CARD19: variants seen among roughly 807,000 people sequenced by gnomAD.
CARD19 encodes caspase recruitment domain family member 19.
CARD19 carries 25 observed loss-of-function variants against 24.1 expected under a neutral mutation model. The observed-to-expected ratio is 1.04, with a 90% CI of 0.76 to 1.45. The LOEUF is 1.45. CARD19 is among the 40% of genes most tolerant of loss of function. The probability of loss-of-function intolerance (pLI) is 0.00; values close to 1 mark genes in which losing one functional copy is unlikely to be tolerated. For missense variants in CARD19, 241 were observed against 247.4 expected (o/e 0.97, Z 0.17); for synonymous variants, 103 against 104.9 (o/e 0.98, Z 0.11).
In CARD19 at chr9:93,106,581, A is replaced by AAC. The variant is rs1554753887; in HGVS notation, c.8-1092_8-1091insCA. Among the ~76,000 whole-genome samples the AAC allele has an allele frequency of 4.7e-3, 719 of 151,502 alleles. 3 individuals are homozygous for AAC. The highest frequency in any genetic ancestry group is 0.015 in the African/African-American group (622 of 41,080). ...AGACTCTATCTCAAAAAAAAACAAAAAAAAAAAAACAAAGTTTAACCTATT... is the reference window on the plus strand; with the variant it reads ...AGACTCTATCTCAAAAAAAAACAAAAACAAAAAAAAACAAAGTTTAACCTATT... On this transcript the variant is annotated intron_variant, in intron 1 of 5. Coordinates refer to ENST00000375464, the MANE Select transcript of CARD19 (RefSeq NM_032310.5).
Position 93,096,290 on chromosome 9 carries a change from C to G in CARD19, c.-56C>G. 1 of 1,130,242 alleles carries G rather than the reference C, an allele frequency of 8.8e-7. No homozygotes were observed. The highest frequency in any genetic ancestry group is 1.1e-6 in the Non-Finnish European group (1 of 897,858). 70.0% of individuals were successfully genotyped at this position (1,130,242 alleles called of 1,614,324 possible). On this transcript the variant is annotated 5_prime_UTR_variant, in exon 1 of 6. Coordinates refer to ENST00000375464, the MANE Select transcript of CARD19 (RefSeq NM_032310.5). This position sits in a 1 kb window ranked among gnomAD's most constrained non-coding sequence, Gnocchi z 5.4. ...GTGGACCGGGCGGCTGACCGAGGGG[C>G]GGACGCGCGGCGGGGCAGACCGCTG...
intron 1 of CARD19, among the ~76,000 whole-genome samples, chr9:93,103,359 A>G (rs569911723): frequency 6.6e-6 from 1 of 152,382 alleles, no homozygotes; most frequent in East Asian, 1.9e-4. Flanking sequence ...ATAAAGTGCT[A>G]TAATATTTGC....
In CARD19 at chr9:93,112,242, T is replaced by C. The variant is rs1374267718; in HGVS notation, c.389T>C (p.Leu130Pro). 1.3e-6 allele frequency: 2 copies of C among 1,545,122 alleles called. No individual in the cohort carries two copies. The highest frequency in any genetic ancestry group is 2.4e-5 in the East Asian group (1 of 40,908). ...GGACCCATGAGCTTCCTGGCTGGCC[T>C]GGGCCTTGCTGTGGGACTGGCCCTG... Reference protein sequence around the residue: ...NRGPMSFLAGLGLAVGLALLL... With the variant: ...NRGPMSFLAGPGLAVGLALLL... Residue 130 changes from leucine (L) to proline (P), a missense_variant, in exon 5 of 6, where the codon CTG becomes CCG. Coordinates refer to ENST00000375464, the MANE Select transcript of CARD19 (RefSeq NM_032310.5).
At chr9:93,099,223 C>CCCATTGGCTGTTTAATTTTCACA (rs1826992929) in intron 1 of CARD19, among the ~76,000 whole-genome samples, 1 of 152,218 alleles carries the variant, frequency 6.6e-6, no homozygotes, top group Admixed American at 6.5e-5. Flanking sequence ...CGCGTCCGGC[C>CCCATTGGCTGTTTAATTTTCACA]TGCAGAACTC....
At chr9:93,111,658 T>C (rs1259263863) in intron 3 of CARD19, 17 of 1,381,620 alleles carry the variant, frequency 1.2e-5, no homozygotes, top group Non-Finnish European at 1.6e-5. Flanking sequence ...TAGAGCACCT[T>C]CTGTGGCTCC....
chr9:93,098,963 G>A (rs898375475), intron 1 of CARD19, among the ~76,000 whole-genome samples: 14 of 149,616 alleles, frequency 9.4e-5, no homozygotes, highest in Non-Finnish European at 3.0e-5. Flanking sequence ...GTGCAGTGGT[G>A]CAATCTTGGC....
intron 3 of CARD19, 46 bp from the exon 4 acceptor site, chr9:93,111,833 C>T (rs771754254): frequency 1.9e-6 from 3 of 1,597,148 alleles, no homozygotes; most frequent in African/African-American, 1.3e-5. Context: ...ACCTTGCCCT[C>T]CGGCCCTGCC....
Position 93,096,247 on chromosome 9 carries a change from C to G in CARD19, c.-99C>G. The G allele has an allele frequency of 1.7e-6, 2 of 1,173,018 alleles. No individual in the cohort carries two copies. Among genetic ancestry groups the G allele is most frequent in the Non-Finnish European group, 2.1e-6 (2 of 937,444 alleles). 72.7% of individuals were successfully genotyped at this position (1,173,018 alleles called of 1,614,324 possible). On this transcript the variant is annotated 5_prime_UTR_variant, in exon 1 of 6. Transcript: ENST00000375464. This position sits in a 1 kb window ranked among gnomAD's most constrained non-coding sequence, Gnocchi z 5.4. ...GGGGCGGGCGAGCACGGCCCGCGGG[C>G]GGCGTTCGCTGGAGCTGGTGGACCG...
At position 93,111,964 on chromosome 9, in the gene CARD19, T is replaced by C. The variant is rs1043450636; in HGVS notation, c.364+26T>C. The C allele has an allele frequency of 6.3e-6, 10 of 1,578,608 alleles. No individual in the cohort carries two copies. The African/African-American group carries it at 8.1e-5, about 13-fold the overall frequency. The stretch of plus-strand genomic sequence containing the variant: ...GTAACACCTCCCTGCTGCCCCTCCC[T>C]CTCTCTCCCTCTCTCTCCCTCTCTC... On this transcript the variant is annotated intron_variant, in intron 4 of 5. Coordinates refer to ENST00000375464, the MANE Select transcript of CARD19 (RefSeq NM_032310.5).
intron 1 of CARD19, among the ~76,000 whole-genome samples, chr9:93,099,502 A>G (rs1827000595): frequency 6.6e-6 from 1 of 152,216 alleles, no homozygotes; most frequent in African/African-American, 2.4e-5. Flanking sequence ...CCCTACCTGA[A>G]AATGGGGCTG....
At chr9:93,112,176 CT>C in intron 4 of CARD19, 41 bp from the exon 5 acceptor site, 1 of 1,535,974 alleles carries the variant, frequency 6.5e-7, no homozygotes, top group Non-Finnish European at 8.8e-7. Flanking sequence ...CCCCACCCCT[CT>C]GAGGCCCAGG....
At chr9:93,105,066 C>A (rs1827201781) in intron 1 of CARD19, among the ~76,000 whole-genome samples, 2 of 151,890 alleles carry the variant, frequency 1.3e-5, no homozygotes, top group South Asian at 4.1e-4. Flanking sequence ...TGTTAGGTTA[C>A]TGATTTAAGA....
At chr9:93,111,013 C>T (rs1827460683) in intron 3 of CARD19, 2 of 1,464,666 alleles carry the variant, frequency 1.4e-6, no homozygotes, top group African/African-American at 1.4e-5. Context: ...TACGTCCACT[C>T]TTGCCCTTCC....
At chr9:93,103,569 G>C (rs1229639487) in intron 1 of CARD19, among the ~76,000 whole-genome samples, 1 of 152,316 alleles carries the variant, frequency 6.6e-6, no homozygotes, top group South Asian at 2.1e-4. Flanking sequence ...GGAAACTGCA[G>C]AGATAGAGTG....
intron 1 of CARD19, among the ~76,000 whole-genome samples, chr9:93,098,694 C>A (rs979142941): frequency 6.6e-6 from 1 of 152,318 alleles, no homozygotes; most frequent in Non-Finnish European, 1.5e-5. Context: ...AAGCACAGGA[C>A]CCCCAAGCCG....
intron 2 of CARD19, among the ~76,000 whole-genome samples, chr9:93,109,535 C>T (rs369438496): frequency 2.0e-5 from 3 of 150,306 alleles, no homozygotes; most frequent in East Asian, 2.0e-4. Flanking sequence ...GGCATGATCT[C>T]GGCTCAGTGC....
chr9:93,105,137 C>T (rs573412023), intron 1 of CARD19, among the ~76,000 whole-genome samples: 24 of 152,038 alleles, frequency 1.6e-4, no homozygotes, highest in African/African-American at 5.5e-4. Context: ...TTTGCTGCAT[C>T]CCTTAGGTTT....
In CARD19 at chr9:93,107,686, G is replaced by T. The variant is rs1020435670; in HGVS notation, c.20G>T (p.Cys7Phe). 6.2e-7 allele frequency: 1 copy of T among 1,614,220 alleles called. No homozygotes were observed. Among genetic ancestry groups the T allele is most frequent in the East Asian group, 2.2e-5 (1 of 44,886 alleles). Residue 7 changes from cysteine to phenylalanine, a missense_variant, in exon 2 of 6, where the codon TGT becomes TTT. Coordinates refer to ENST00000375464, the MANE Select transcript of CARD19 (RefSeq NM_032310.5). ...CTATCTGTTTTAGATCAGACCTATTGTGACCGCCTGGTGCAGGACACGCCT... is the reference window on the plus strand; with the variant it reads ...CTATCTGTTTTAGATCAGACCTATTTTGACCGCCTGGTGCAGGACACGCCT... MTDQTY[C>F]DRLVQDTPFL...
intron 1 of CARD19, among the ~76,000 whole-genome samples, chr9:93,107,356 T>A (rs527896447): frequency 6.6e-6 from 1 of 152,256 alleles, no homozygotes; most frequent in Non-Finnish European, 1.5e-5. Flanking sequence ...TATTTCCTGA[T>A]GGCCCTGCAG....
Sources: allele counts gnomAD v4.1 joint callset (sites outside exome capture counted in the v4.1 genomes callset), GRCh38; gene constraint gnomAD v4.1.1; non-coding constraint Gnocchi (gnomAD v3.1); transcripts MANE v1.5; gene names NCBI Gene and HGNC (gene_info 2026-07-23, HGNC 2026-07-21).